The following CCDC171 variants were observed in gnomAD, a reference collection of about 807,000 sequenced individuals.
CCDC171 encodes the protein coiled-coil domain containing 171.
A neutral mutation model predicts 168.2 loss-of-function variants in CCDC171; 177 were observed. The observed-to-expected ratio is 1.05, with a 90% CI of 0.93 to 1.19. CCDC171 has a LOEUF of 1.19. Ranked by LOEUF, CCDC171 falls within the 50% of genes most tolerant of loss-of-function variation. CCDC171 has a pLI of 0.00. For synonymous variants in CCDC171, 687 were observed against 540.8 expected (o/e 1.27, Z -3.75); for missense variants, 1,991 against 1,539.0 (o/e 1.29, Z -4.91).
intron 1 of CCDC171, among the ~76,000 whole-genome samples, chr9:15,562,424 G>T (rs1306604403): frequency 7.2e-5 from 11 of 152,144 alleles, no homozygotes; most frequent in Non-Finnish European, 1.6e-4. Context: ...ATATCAGTGA[G>T]CTAGAAGTAG....
intron 10 of CCDC171, among the ~76,000 whole-genome samples, chr9:15,685,963 T>C (rs2050364844): frequency 6.6e-6 from 1 of 152,164 alleles, no homozygotes; most frequent in African/African-American, 2.4e-5. Flanking sequence ...TGAGTAAATC[T>C]CTTTTTTGCT....
intron 24 of CCDC171, among the ~76,000 whole-genome samples, chr9:15,906,986 A>G (rs1822749424): frequency 6.6e-6 from 1 of 152,124 alleles, no homozygotes; most frequent in African/African-American, 2.4e-5. Flanking sequence ...ACTACAAACC[A>G]CTGCTCAATG....
chr9:15,703,263 C>T (rs902956602), intron 11 of CCDC171, among the ~76,000 whole-genome samples: 4 of 152,270 alleles, frequency 2.6e-5, no homozygotes, highest in Admixed American at 2.6e-4. Flanking sequence ...GTTTGATCTG[C>T]GCAGACCATT....
chr9:15,613,541 T>G (rs1417225869), intron 6 of CCDC171, among the ~76,000 whole-genome samples: 1 of 151,250 alleles, frequency 6.6e-6, no homozygotes, highest in Non-Finnish European at 1.5e-5. Context: ...TTTTTTTTTT[T>G]CAGATGGAGT....
intron 25 of CCDC171, among the ~76,000 whole-genome samples, chr9:15,945,967 C>T (rs1238715519): frequency 6.6e-6 from 1 of 151,160 alleles, no homozygotes; most frequent in Admixed American, 6.6e-5. Context: ...TGCCTATGTC[C>T]TGAATGGTAA....
intron 24 of CCDC171, among the ~76,000 whole-genome samples, chr9:15,899,440 T>C (rs1433681440): frequency 6.6e-6 from 1 of 152,214 alleles, no homozygotes; most frequent in Non-Finnish European, 1.5e-5. Context: ...GCCATTTTTT[T>C]CATTCTCACT....
chr9:15,929,952 G>A (rs755976864), intron 25 of CCDC171, among the ~76,000 whole-genome samples: 24 of 151,726 alleles, frequency 1.6e-4, no homozygotes, highest in Non-Finnish European at 2.5e-4. Context: ...GGCAGAAGAA[G>A]TAAGAGTTCC....
At chr9:15,886,527 T>G (rs1405197289) in intron 24 of CCDC171, 1 of 152,148 alleles carries the variant, frequency 6.6e-6, no homozygotes, top group Non-Finnish European at 1.5e-5. Context: ...GAAATGTAAA[T>G]TGGTATAGCT....
chr9:15,800,898 C>T (rs2058791012), intron 21 of CCDC171, among the ~76,000 whole-genome samples: 1 of 151,966 alleles, frequency 6.6e-6, no homozygotes, highest in Non-Finnish European at 1.5e-5. Flanking sequence ...GTTCTTAGCA[C>T]CTTTGTCAAA....
chr9:15,801,049 C>T (rs1419157088), intron 21 of CCDC171, among the ~76,000 whole-genome samples: 5 of 151,844 alleles, frequency 3.3e-5, no homozygotes, highest in African/African-American at 7.2e-5. Flanking sequence ...TAATAGGATT[C>T]CTCCAGTTTT....
chr9:15,760,373 T>C (rs1357183726), intron 18 of CCDC171, among the ~76,000 whole-genome samples: 1 of 152,190 alleles, frequency 6.6e-6, no homozygotes. Context: ...ATGCATACTA[T>C]TAATTAGGAA....
chr9:15,805,391 C>A (rs763543894), intron 21 of CCDC171, among the ~76,000 whole-genome samples: 6 of 152,034 alleles, frequency 3.9e-5, no homozygotes, highest in African/African-American at 7.2e-5. Context: ...GTGCCATAAA[C>A]TTCCCTCTTA....
intron 21 of CCDC171, among the ~76,000 whole-genome samples, chr9:15,800,848 T>C (rs10962167): frequency 6.6e-6 from 1 of 151,938 alleles, no homozygotes; most frequent in African/African-American, 2.4e-5. Flanking sequence ...CAATTTTCCC[T>C]ACACTATTTA....
intron 21 of CCDC171, among the ~76,000 whole-genome samples, chr9:15,788,754 G>A (rs2058098009): frequency 1.3e-5 from 2 of 151,956 alleles, no homozygotes; most frequent in African/African-American, 4.8e-5. Context: ...AACTGCCTAT[G>A]TTGCCCAGTC....
At chr9:15,647,064 G>C (rs531291694) in intron 7 of CCDC171, among the ~76,000 whole-genome samples, 5 of 152,354 alleles carry the variant, frequency 3.3e-5, no homozygotes, top group South Asian at 2.1e-4. Flanking sequence ...TTAGACCACA[G>C]TGCAATCAAA....
At chr9:15,778,295 C>G (rs2057447869) in intron 19 of CCDC171, among the ~76,000 whole-genome samples, 1 of 103,018 alleles carries the variant, frequency 9.7e-6, no homozygotes, top group African/African-American at 3.8e-5. Flanking sequence ...GCCTGGGCGA[C>G]AGAGCGAGAC....
intron 6 of CCDC171, among the ~76,000 whole-genome samples, chr9:16,033,492 TTGA>T (rs1178873949): frequency 1.3e-5 from 2 of 152,218 alleles, no homozygotes; most frequent in Non-Finnish European, 2.9e-5. Context: ...AATCTAATGC[TTGA>T]TGATCTGTCT....
chr9:15,641,103 A>T (rs2046569645), intron 7 of CCDC171, among the ~76,000 whole-genome samples: 1 of 152,194 alleles, frequency 6.6e-6, no homozygotes, highest in South Asian at 2.1e-4. Flanking sequence ...ATGGATTATT[A>T]CTATATTTAT....
At chr9:15,821,493 A>G (rs1219209917) in intron 21 of CCDC171, among the ~76,000 whole-genome samples, 1 of 117,992 alleles carries the variant, frequency 8.5e-6, no homozygotes, top group African/African-American at 3.2e-5. Flanking sequence ...GCAAAGTCTC[A>G]GGATACAAAA....
Sources: gnomAD v4.1 joint callset for allele counts (sites outside exome capture counted in the v4.1 genomes callset) on GRCh38, gnomAD v4.1.1 for gene constraint, MANE v1.5 for transcripts, NCBI Gene and HGNC (gene_info 2026-07-23, HGNC 2026-07-21) for gene names.